Variants in DLL4 observed in about 807,000 individuals in gnomAD.
DLL4 encodes the protein delta like canonical Notch ligand 4, also known as delta-like protein 4.
DLL4 carries 7 observed loss-of-function variants against 73.6 expected under a neutral mutation model. The observed-to-expected ratio is 0.10, with a 90% CI of 0.05 to 0.18. The LOEUF (loss-of-function observed/expected upper bound fraction) is 0.18, where lower values mean the gene tolerates loss of function less well. Ranked by LOEUF, DLL4 falls within the 10% of genes least tolerant of loss-of-function variation. The probability of loss-of-function intolerance (pLI) is 1.00; values close to 1 mark genes in which losing one functional copy is unlikely to be tolerated. For missense variants in DLL4, 614 were observed against 929.9 expected (o/e 0.66, Z 4.42); for synonymous variants, 345 against 374.3 (o/e 0.92, Z 0.90).
chr15:40,937,897 TG>T, intron 10 of DLL4, 131 bp from the exon 11 acceptor site: 2 of 1,051,692 alleles, frequency 1.9e-6, no homozygotes, highest in Non-Finnish European at 1.4e-6. Context: ...GGCCGAAGAC[TG>T]GGGAGGACTG....
In DLL4 at chr15:40,936,823, A is replaced by T. The variant is rs757866420; in HGVS notation, c.1836A>T (p.Thr612=). Reference sequence around the variant, plus strand: ...ACTGTGGCAAACAGCAAAACCACACATTGGACTATAATCTGGCCCCAGGGC... The same window carrying T: ...ACTGTGGCAAACAGCAAAACCACACTTTGGACTATAATCTGGCCCCAGGGC... ...KSNCGKQQNH[T]LDYNLAPGPL... Residue 612 remains threonine (T), a synonymous_variant, in exon 9 of 11, where the codon ACA becomes ACT. Transcript: ENST00000249749. The T allele has an allele frequency of 1.2e-6, 2 of 1,613,488 alleles. No homozygotes were observed. The highest frequency in any genetic ancestry group is 2.7e-5 in the African/African-American group (2 of 74,934).
chr15:40,931,477 C>A (rs1892769325), intron 3 of DLL4, 26 bp from the exon 4 acceptor site: 1 of 1,597,576 alleles, frequency 6.3e-7, no homozygotes, highest in Non-Finnish European at 8.5e-7. Flanking sequence ...GCGACCCTTC[C>A]CTGACCCGAC....
At position 40,934,936 on chromosome 15, in the gene DLL4, C is replaced by A; in HGVS notation, c.1059C>A (p.Gly353=). The A allele has an allele frequency of 6.2e-7, 1 of 1,613,778 alleles. No homozygotes were observed. Among genetic ancestry groups the A allele is most frequent in the South Asian group, 1.1e-5 (1 of 91,088 alleles). ...EDGYHCLCPP[G]YYGLHCEHST... The stretch of plus-strand genomic sequence containing the variant: ...GCTACCACTGCCTGTGTCCTCCGGG[C>A]TACTATGGCCTGCATTGTGAACACA... The change falls in exon 8 of 11, where the codon GGC becomes GGA. Residue 353 remains glycine (G), a synonymous_variant. Transcript: ENST00000249749.
In DLL4 at chr15:40,937,518, G is replaced by T; in HGVS notation, c.2044G>T (p.Ala682Ser). Residue 682 changes from alanine to serine, a missense_variant, in exon 10 of 11, where the codon GCC becomes TCC. By Grantham distance (99) the Ala-to-Ser change is moderately conservative. This residue lies in a region of DLL4 where 386 missense variants were observed against 541.3 expected (regional missense o/e 0.71). Transcript: ENST00000249749. ...ISEERNECVI[A>S]TEV Reference sequence around the variant, plus strand: ...AGAGGAGAGGAATGAATGTGTCATTGCCACGGAGGTGAGTGCTGGGCTCGC... The same window carrying T: ...AGAGGAGAGGAATGAATGTGTCATTTCCACGGAGGTGAGTGCTGGGCTCGC... 6.2e-7 allele frequency: 1 copy of T among 1,608,566 alleles called. No homozygotes were observed. Among genetic ancestry groups the T allele is most frequent in the Non-Finnish European group, 8.5e-7 (1 of 1,174,890 alleles).
chr15:40,936,793 G>T lies in DLL4; in HGVS notation c.1806G>T (p.Lys602Asn). The T allele has an allele frequency of 6.2e-7, 1 of 1,613,790 alleles. No homozygotes were observed. The highest frequency in any genetic ancestry group is 8.5e-7 in the Non-Finnish European group (1 of 1,179,882). ...KELEVDCGLDKSNCGKQQNHT... is the reference protein window; with the variant it reads ...KELEVDCGLDNSNCGKQQNHT... ...TGGAAGTGGACTGTGGCCTGGACAAGTCCAACTGTGGCAAACAGCAAAACC... is the reference window on the plus strand; with the variant it reads ...TGGAAGTGGACTGTGGCCTGGACAATTCCAACTGTGGCAAACAGCAAAACC... Residue 602 changes from lysine to asparagine, a missense_variant, in exon 9 of 11, where the codon AAG becomes AAT. By Grantham distance (94) the Lys-to-Asn change is moderately conservative. Transcript: ENST00000249749.
intron 8 of DLL4, 82 bp from the exon 9 acceptor site, chr15:40,936,146 G>A (rs556538770): frequency 5.3e-5 from 68 of 1,277,606 alleles, no homozygotes; most frequent in South Asian, 8.9e-5. Context: ...GGGCCCGAAC[G>A]TGTTCCTGGA....
chr15:40,932,943 C>T (rs1892789458), intron 6 of DLL4, among the ~76,000 whole-genome samples: 1 of 152,196 alleles, frequency 6.6e-6, no homozygotes, highest in Non-Finnish European at 1.5e-5. Context: ...TCGGTGTGGG[C>T]ACAAACGGCC....
chr15:40,931,880 G>A, intron 4 of DLL4, 114 bp downstream of exon 4: 3 of 1,371,964 alleles, frequency 2.2e-6, no homozygotes, highest in Non-Finnish European at 3.0e-6. Flanking sequence ...CCTCCTACTA[G>A]CTGGGCCTCA....
chr15:40,937,906 C>T, intron 10 of DLL4, 123 bp from the exon 11 acceptor site: 19 of 1,165,958 alleles, frequency 1.6e-5, no homozygotes, highest in Non-Finnish European at 2.3e-5. Flanking sequence ...CTGGGGAGGA[C>T]TGCCCCACCT....
Position 40,930,331 on chromosome 15 carries a change from C to G in DLL4, c.336+215C>G, listed in dbSNP as rs1892748000. 5.8e-6 allele frequency: 4 copies of G among 688,252 alleles called. No homozygotes were observed. The highest frequency in any genetic ancestry group is 9.6e-6 in the Non-Finnish European group (4 of 414,566). 42.6% of individuals were successfully genotyped at this position (688,252 alleles called of 1,614,324 possible). On this transcript the variant is annotated intron_variant, in intron 2 of 10. Transcript: ENST00000249749. The surrounding 1 kb of genome is among the most constrained non-coding windows in gnomAD (Gnocchi z 5.7). Reference sequence around the variant, plus strand: ...TCTTCCCAGTTTATGTCCTCCCGTCCCCAGCTCTTGGGACACGATTTTCAT... The same window carrying G: ...TCTTCCCAGTTTATGTCCTCCCGTCGCCAGCTCTTGGGACACGATTTTCAT...
chr15:40,930,512 C>A lies in DLL4; in HGVS notation c.337-113C>A, dbSNP rs1181564967. 3 of 874,782 alleles carry A rather than the reference C, an allele frequency of 3.4e-6. No homozygotes were observed. The highest frequency in any genetic ancestry group is 3.3e-5 in the African/African-American group (2 of 60,372). The allele number at this position is 874,782 out of a possible 1,614,324, so 54.2% of individuals were successfully genotyped here. ...CACAGCCCCGTTATGTTGACCCGGGCGCAGTAACTGAATCCTGCAATTAGA... is the reference window on the plus strand; with the variant it reads ...CACAGCCCCGTTATGTTGACCCGGGAGCAGTAACTGAATCCTGCAATTAGA... On this transcript the variant is annotated intron_variant, in intron 2 of 10. Coordinates refer to ENST00000249749, the MANE Select transcript of DLL4 (RefSeq NM_019074.4). This position sits in a 1 kb window ranked among gnomAD's most constrained non-coding sequence, Gnocchi z 5.7.
Position 40,930,606 on chromosome 15 carries a change from C to T in DLL4, c.337-19C>T. On this transcript the variant is annotated intron_variant, in intron 2 of 10. Transcript: ENST00000249749. This position sits in a 1 kb window ranked among gnomAD's most constrained non-coding sequence, Gnocchi z 5.7. ...TTGCTCATCTCGCCATCTCTCCGTC[C>T]CCCCACCCCCTTTCCCAGGGTACCT... 1 of 1,613,060 alleles carries T rather than the reference C, an allele frequency of 6.2e-7. No homozygotes were observed. Among genetic ancestry groups the T allele is most frequent in the Non-Finnish European group, 8.5e-7 (1 of 1,179,364 alleles).
chr15:40,936,291 C>T lies in DLL4; in HGVS notation c.1304C>T (p.Thr435Ile), dbSNP rs1229628753. ...MCRCRPGFTG[T>I]YCELHVSDCA... is the part of the protein sequence containing the mutation. ...CGCTGCCGTCCTGGATTCACGGGCA[C>T]CTACTGTGAACTCCACGTCAGCGAC... is the stretch of plus-strand genomic sequence containing the variant. The change falls in exon 9 of 11, where the codon ACC becomes ATC. Residue 435 changes from threonine (T) to isoleucine (I), a missense_variant. By Grantham distance (89) the Thr-to-Ile change is moderately conservative. Around this residue, in one of 3 missense-constraint regions of DLL4, gnomAD observed 386 missense variants for 541.3 expected, o/e 0.71. Transcript: ENST00000249749. 1 of 1,609,582 alleles carries T rather than the reference C, an allele frequency of 6.2e-7. No homozygotes were observed. Among genetic ancestry groups the T allele is most frequent in the Non-Finnish European group, 8.5e-7 (1 of 1,178,698 alleles).
intron 4 of DLL4, among the ~76,000 whole-genome samples, 171 bp from the exon 5 acceptor site, chr15:40,932,000 T>C (rs1274152285): frequency 6.6e-6 from 1 of 152,204 alleles, no homozygotes; most frequent in Non-Finnish European, 1.5e-5. Flanking sequence ...CAGTTTGGCT[T>C]CTCCTTCCCT....
At chr15:40,937,659 G>A (rs943570689) in intron 10 of DLL4, 133 bp downstream of exon 10, 4 of 735,028 alleles carry the variant, frequency 5.4e-6, no homozygotes, top group Non-Finnish European at 9.9e-6. Context: ...TGGACTCTTG[G>A]GTCCCTGCTG....
chr15:40,933,183 G>T (rs1014838749), intron 6 of DLL4, among the ~76,000 whole-genome samples: 2 of 152,214 alleles, frequency 1.3e-5, no homozygotes, highest in Non-Finnish European at 2.9e-5. Context: ...CCTGGGTAGG[G>T]TGGGCAGAGA....
intron 9 of DLL4, 89 bp from the exon 10 acceptor site, chr15:40,937,329 C>A: frequency 1.1e-6 from 1 of 916,098 alleles, no homozygotes; most frequent in South Asian, 1.4e-5. Flanking sequence ...AAGAACCACC[C>A]TGCAGATGCC....
intron 6 of DLL4, 140 bp downstream of exon 6, chr15:40,932,587 T>C: frequency 8.4e-7 from 1 of 1,195,820 alleles, no homozygotes; most frequent in Non-Finnish European, 1.2e-6. Flanking sequence ...ATCTTGGGTC[T>C]TTTAAGGATC....
rs1439066177 is a variant in DLL4 at position 40,936,345 on chromosome 15, G to C, written c.1358G>C (p.Gly453Ala). Reference sequence around the variant, plus strand: ...GCCCGTAACCCTTGCGCCCACGGTGGCACTTGCCATGACCTGGAGAATGGG... The same window carrying C: ...GCCCGTAACCCTTGCGCCCACGGTGCCACTTGCCATGACCTGGAGAATGGG... ...DCARNPCAHG[G>A]TCHDLENGLM... The change falls in exon 9 of 11, where the codon GGC becomes GCC. Residue 453 changes from glycine (G) to alanine (A), a missense_variant. Coordinates refer to ENST00000249749, the MANE Select transcript of DLL4 (RefSeq NM_019074.4). The C allele has an allele frequency of 1.9e-6, 3 of 1,610,222 alleles. No homozygotes were observed. In the East Asian group the frequency reaches 6.7e-5, roughly 36 times the overall value.
Sources: gnomAD v4.1 joint callset for allele counts (sites outside exome capture counted in the v4.1 genomes callset) on GRCh38, gnomAD v4.1.1 for gene constraint, gnomAD v4.1.1 regional missense constraint, Gnocchi (gnomAD v3.1) non-coding constraint, MANE v1.5 for transcripts, NCBI Gene and HGNC (gene_info 2026-07-23, HGNC 2026-07-21) for gene names.